LTBP1: variants seen among roughly 807,000 people sequenced by gnomAD.
LTBP1 encodes the protein latent-transforming growth factor beta-binding protein 1.
A neutral mutation model predicts 207.6 loss-of-function variants in LTBP1; 129 were observed. The ratio of observed to expected loss-of-function variants is 0.62; its 90% CI spans 0.54 to 0.72. The LOEUF (loss-of-function observed/expected upper bound fraction) is 0.72, where lower values mean the gene tolerates loss of function less well. Ranked by LOEUF, LTBP1 falls within the 30% of genes least tolerant of loss-of-function variation. The probability of loss-of-function intolerance (pLI) is 0.00; values close to 1 mark genes in which losing one functional copy is unlikely to be tolerated. For missense variants in LTBP1, 2,281 were observed against 2,217.2 expected (o/e 1.03, Z -0.58); for synonymous variants, 963 against 833.7 (o/e 1.16, Z -2.67).
intron 2 of LTBP1, among the ~76,000 whole-genome samples, chr2:32,974,197 G>T (rs922261431): frequency 3.9e-5 from 6 of 152,100 alleles, no homozygotes; most frequent in African/African-American, 1.4e-4. Flanking sequence ...ATAGTGTTGT[G>T]CTAATTTACA....
chr2:33,270,758 C>G (rs1305963551), intron 15 of LTBP1, among the ~76,000 whole-genome samples: 1 of 152,130 alleles, frequency 6.6e-6, no homozygotes, highest in African/African-American at 2.4e-5. Context: ...TGCTGTATCT[C>G]TTAGTACCCT....
chr2:33,110,815 C>A, intron 4 of LTBP1, 64 bp downstream of exon 4: 1 of 1,516,160 alleles, frequency 6.6e-7, no homozygotes, highest in South Asian at 1.2e-5. Flanking sequence ...ACACTTTGTT[C>A]AGTGTAGACG....
In LTBP1 at chr2:33,187,084, A is replaced by G. The variant is rs1182672432; in HGVS notation, c.1426+4A>G. 1 of 1,612,392 alleles carries G rather than the reference A, an allele frequency of 6.2e-7. No homozygotes were observed. Among genetic ancestry groups the G allele is most frequent in the African/African-American group, 1.3e-5 (1 of 74,914 alleles). ...ACTAGCCAGCAAGGAGTCAAAGGTA[A>G]GCTTTTTTCATTCCGCCCATTTGCC... On this transcript the variant is annotated splice_donor_region_variant and intron_variant, in intron 6 of 33. Transcript: ENST00000404816.
At chr2:33,059,472 G>T (rs1444798760) in intron 3 of LTBP1, among the ~76,000 whole-genome samples, 1 of 152,046 alleles carries the variant, frequency 6.6e-6, no homozygotes, top group Non-Finnish European at 1.5e-5. Context: ...TTTGGTTTAG[G>T]CTTGCCATGT....
intron 5 of LTBP1, among the ~76,000 whole-genome samples, chr2:33,182,198 T>C (rs2086709666): frequency 6.6e-6 from 1 of 152,148 alleles, no homozygotes; most frequent in South Asian, 2.1e-4. Flanking sequence ...TTAGGGATTA[T>C]TGCTGTATCC....
intron 3 of LTBP1, among the ~76,000 whole-genome samples, chr2:33,038,142 T>C (rs1340035401): frequency 6.6e-6 from 1 of 152,226 alleles, no homozygotes; most frequent in Non-Finnish European, 1.5e-5. Flanking sequence ...TATTATTGTT[T>C]TGATCACTCA....
chr2:33,162,762 CG>C (rs889318192), intron 5 of LTBP1, among the ~76,000 whole-genome samples: 2 of 152,062 alleles, frequency 1.3e-5, no homozygotes, highest in Non-Finnish European at 2.9e-5. Flanking sequence ...TTGTTCTTTT[CG>C]TTAAAGGGAA....
intron 3 of LTBP1, among the ~76,000 whole-genome samples, chr2:33,079,604 A>G (rs950249800): frequency 6.6e-6 from 1 of 152,220 alleles, no homozygotes; most frequent in South Asian, 2.1e-4. Flanking sequence ...AGAAGGACCC[A>G]TTTTTCCTTC....
intron 9 of LTBP1, among the ~76,000 whole-genome samples, 156 bp from the exon 10 acceptor site, chr2:33,243,506 A>G (rs551804119): frequency 2.6e-5 from 4 of 152,338 alleles, no homozygotes; most frequent in Admixed American, 6.5e-5. Context: ...TGTTCAATAA[A>G]CATTAACTGA....
At chr2:33,321,692 A>T (rs1477888237) in intron 24 of LTBP1, among the ~76,000 whole-genome samples, 1 of 152,210 alleles carries the variant, frequency 6.6e-6, no homozygotes, top group African/African-American at 2.4e-5. Context: ...AAGAACTCTG[A>T]TGCAGTAATG....
Position 33,162,172 on chromosome 2 carries a change from G to C in LTBP1, c.1202-24684G>C, listed in dbSNP as rs74759837. On this transcript the variant is annotated intron_variant, in intron 5 of 33. Coordinates refer to ENST00000404816, the MANE Select transcript of LTBP1 (RefSeq NM_206943.4). ...TTGTGGCTGAAGTGTTGAATCTAAGGTACCAGAATAAAGGGTGAAGTTTTT... is the reference window on the plus strand; with the variant it reads ...TTGTGGCTGAAGTGTTGAATCTAAGCTACCAGAATAAAGGGTGAAGTTTTT... Among the ~76,000 whole-genome samples, 218 of 152,276 alleles carry C rather than the reference G, an allele frequency of 1.4e-3. 6 individuals are homozygous for C. In the East Asian group the frequency reaches 0.035, roughly 24 times the overall value.
chr2:33,088,469 A>G (rs571099959), intron 3 of LTBP1, among the ~76,000 whole-genome samples: 1 of 152,218 alleles, frequency 6.6e-6, no homozygotes, highest in Admixed American at 6.5e-5. Flanking sequence ...GAAAAAAAAA[A>G]GGACCAGTGT....
chr2:33,137,621 A>T (rs1343305404), intron 5 of LTBP1, among the ~76,000 whole-genome samples: 1 of 152,238 alleles, frequency 6.6e-6, no homozygotes, highest in Non-Finnish European at 1.5e-5. Flanking sequence ...GGAAAATTAT[A>T]TGGACTTCAT....
At position 33,365,510 on chromosome 2, in the gene LTBP1, C is replaced by T; in HGVS notation, c.4711+7C>T. 6.2e-7 allele frequency: 1 copy of T among 1,611,046 alleles called. No homozygotes were observed. The highest frequency in any genetic ancestry group is 8.5e-7 in the Non-Finnish European group (1 of 1,178,544). ...TGCCCCCTGAAGGATTCAGGTGAGC[C>T]CATATCCAATTCCTTCTGCAGGAGG... On this transcript the variant is annotated splice_region_variant and intron_variant, in intron 31 of 33. Coordinates refer to ENST00000404816, the MANE Select transcript of LTBP1 (RefSeq NM_206943.4).
chr2:33,205,124 A>G lies in LTBP1; in HGVS notation c.1702-12428A>G, dbSNP rs191110281. On this transcript the variant is annotated intron_variant, in intron 7 of 33. Transcript: ENST00000404816. ...GGCCATATGGACAGATCAATGTCAA[A>G]CAGAGTGAATGAATAACCTATACTT... Among the ~76,000 whole-genome samples, 57 of 152,344 alleles carry G rather than the reference A, an allele frequency of 3.7e-4. No individual in the cohort carries two copies. The East Asian group carries it at 7.5e-3, about 20-fold the overall frequency.
chr2:33,113,894 G>C (rs2080561315), intron 4 of LTBP1, among the ~76,000 whole-genome samples: 2 of 152,194 alleles, frequency 1.3e-5, no homozygotes, highest in South Asian at 4.1e-4. Context: ...ATAATGGAGT[G>C]CAGTGGCATG....
chr2:33,155,902 C>CTAA (rs778241421), intron 5 of LTBP1, among the ~76,000 whole-genome samples: 12 of 152,146 alleles, frequency 7.9e-5, no homozygotes, highest in Non-Finnish European at 1.6e-4. Flanking sequence ...ATTCTTCTTC[C>CTAA]TTTAATCAGC....
At chr2:33,361,545 C>A in intron 28 of LTBP1, 30 bp downstream of exon 28, 4 of 1,482,834 alleles carry the variant, frequency 2.7e-6, no homozygotes, top group African/African-American at 1.4e-5. Context: ...AAATTTTCAG[C>A]ACATTGTGTA....
intron 24 of LTBP1, among the ~76,000 whole-genome samples, chr2:33,332,570 T>C (rs983781133): frequency 4.5e-4 from 69 of 151,698 alleles, no homozygotes; most frequent in African/African-American, 1.7e-3. Flanking sequence ...TTAATTTTTT[T>C]TTTTTATATG....
Sources: gnomAD v4.1 joint callset for allele counts (sites outside exome capture counted in the v4.1 genomes callset) on GRCh38, gnomAD v4.1.1 for gene constraint, MANE v1.5 for transcripts, NCBI Gene and HGNC (gene_info 2026-07-23, HGNC 2026-07-21) for gene names.